PTPRO: variants seen among roughly 807,000 people sequenced by gnomAD.
PTPRO encodes the protein protein tyrosine phosphatase receptor type O.
A neutral mutation model predicts 145.2 loss-of-function variants in PTPRO; 62 were observed. The ratio of observed to expected loss-of-function variants is 0.43; its 90% CI spans 0.35 to 0.53. The LOEUF (loss-of-function observed/expected upper bound fraction) is 0.53, where lower values mean the gene tolerates loss of function less well. Ranked by LOEUF, PTPRO falls within the 20% of genes least tolerant of loss-of-function variation. The probability of loss-of-function intolerance (pLI) is 0.01; values close to 1 mark genes in which losing one functional copy is unlikely to be tolerated. For missense variants in PTPRO, 1,345 were observed against 1,482.7 expected (o/e 0.91, Z 1.53); for synonymous variants, 565 against 514.7 (o/e 1.10, Z -1.32).
At chr12:15,526,091 C>A (rs1222809530) in intron 11 of PTPRO, 51 bp from the exon 12 acceptor site, 3 of 1,611,718 alleles carry the variant, frequency 1.9e-6, no homozygotes, top group Non-Finnish European at 2.5e-6. Flanking sequence ...TGGGGTGGTG[C>A]ACTGATTCAT....
At chr12:15,563,980 C>T (rs977520123) in intron 17 of PTPRO, among the ~76,000 whole-genome samples, 5 of 152,134 alleles carry the variant, frequency 3.3e-5, no homozygotes, top group Non-Finnish European at 7.4e-5. Context: ...ATTACCATCA[C>T]GGGGCTGAAT....
intron 1 of PTPRO, among the ~76,000 whole-genome samples, chr12:15,409,701 A>C (rs1487381496): frequency 3.3e-5 from 5 of 151,874 alleles, no homozygotes; most frequent in Non-Finnish European, 7.3e-5. Flanking sequence ...GCAGAAGCTT[A>C]CATGTCACTT....
Position 15,549,136 on chromosome 12 carries a change from C to T in PTPRO, c.2347C>T (p.Leu783Phe). 1 of 1,613,440 alleles carries T rather than the reference C, an allele frequency of 6.2e-7. No individual in the cohort carries two copies. Among genetic ancestry groups the T allele is most frequent in the South Asian group, 1.1e-5 (1 of 91,048 alleles). The change falls in exon 14 of 27, where the codon CTT (leucine) becomes TTT (phenylalanine). Residue 783 changes from leucine (L) to phenylalanine (F), a missense_variant. Physicochemically the swap from Leu to Phe is conservative, Grantham distance 22 (BLOSUM62 0). Around this residue, in one of 3 missense-constraint regions of PTPRO, gnomAD observed 1,130 missense variants for 1,214.7 expected, o/e 0.93. Transcript: ENST00000281171. Reference sequence around the variant, plus strand: ...TTCCCATGTCGTGACCATCTCCAGCCTTCTTCCTGCCACTGCCTACAATTG... The same window carrying T: ...TTCCCATGTCGTGACCATCTCCAGCTTTCTTCCTGCCACTGCCTACAATTG... ...VSSHVVTISS[L>F]LPATAYNCSV...
rs375299784 is a variant in PTPRO, at chr12:15,559,801, T to G, written c.2628-392T>G. Reference sequence around the variant, plus strand: ...AAGCTGCTGTTTAGCTGTCAAATGATGTTACAGAGGTTTCTTAAAATAGGC... The same window carrying G: ...AAGCTGCTGTTTAGCTGTCAAATGAGGTTACAGAGGTTTCTTAAAATAGGC... On this transcript the variant is annotated intron_variant, in intron 16 of 26. Coordinates refer to ENST00000281171, the MANE Select transcript of PTPRO (RefSeq NM_030667.3). 3.9e-5 allele frequency among the ~76,000 whole-genome samples: 6 copies of G among 152,176 alleles called. No individual in the cohort carries two copies. In the East Asian group the frequency reaches 9.6e-4, roughly 24 times the overall value.
chr12:15,475,945 C>G (rs1386034465), intron 1 of PTPRO, among the ~76,000 whole-genome samples: 2 of 152,148 alleles, frequency 1.3e-5, no homozygotes, highest in African/African-American at 4.8e-5. Flanking sequence ...ATGAGGACAT[C>G]TCAGCTGTTC....
chr12:15,525,215 T>C (rs893656945), intron 11 of PTPRO, among the ~76,000 whole-genome samples: 2 of 152,224 alleles, frequency 1.3e-5, no homozygotes, highest in Admixed American at 1.3e-4. Flanking sequence ...TGATTTGAGC[T>C]TTTTCTTCAG....
chr12:15,417,240 A>G (rs936700822), intron 1 of PTPRO, among the ~76,000 whole-genome samples: 1 of 151,694 alleles, frequency 6.6e-6, no homozygotes, highest in African/African-American at 2.4e-5. Flanking sequence ...TAAGTCAAAA[A>G]ATACATTTAA....
chr12:15,549,219 A>T lies in PTPRO; in HGVS notation c.2430A>T (p.Ser810=). 1 of 1,606,088 alleles carries T rather than the reference A, an allele frequency of 6.2e-7. No homozygotes were observed. The highest frequency in any genetic ancestry group is 8.5e-7 in the Non-Finnish European group (1 of 1,177,866). ...GTGTCCCTACGTTCATAGCCGTCTC[A>T]ACAATGGGTAATTATACACATTAGT... The part of the protein sequence containing the change: ...SPSVPTFIAV[S]TMVTEMNPNV... Residue 810 remains serine (S), a synonymous_variant, in exon 14 of 27, where the codon TCA becomes TCT. Transcript: ENST00000281171.
intron 1 of PTPRO, among the ~76,000 whole-genome samples, chr12:15,370,888 C>T (rs1938507229): frequency 1.3e-5 from 2 of 152,168 alleles, no homozygotes; most frequent in Admixed American, 6.5e-5. Context: ...ACTAAAACAG[C>T]TTAAATTTCC....
chr12:15,415,634 C>A (rs774636489), intron 1 of PTPRO, among the ~76,000 whole-genome samples: 1 of 151,758 alleles, frequency 6.6e-6, no homozygotes. Flanking sequence ...ATCCGCCCAC[C>A]CTGGCCTCCC....
chr12:15,504,369 T>C (rs913775764), intron 6 of PTPRO, among the ~76,000 whole-genome samples: 1 of 152,170 alleles, frequency 6.6e-6, no homozygotes, highest in South Asian at 2.1e-4. Flanking sequence ...GATGTGGACA[T>C]ACAGTTTGGG....
At chr12:15,392,643 C>T (rs1163927694) in intron 1 of PTPRO, among the ~76,000 whole-genome samples, 2 of 147,186 alleles carry the variant, frequency 1.4e-5, no homozygotes, top group African/African-American at 5.0e-5. Flanking sequence ...ATTGCTTGAA[C>T]CTCGGAGGCG....
intron 1 of PTPRO, among the ~76,000 whole-genome samples, chr12:15,327,587 G>A (rs747527875): frequency 1.3e-5 from 2 of 152,086 alleles, no homozygotes; most frequent in Non-Finnish European, 2.9e-5. Flanking sequence ...ATCCAAGGTC[G>A]TATAACCCAA....
At chr12:15,424,351 G>A (rs1940226425) in intron 1 of PTPRO, among the ~76,000 whole-genome samples, 1 of 151,948 alleles carries the variant, frequency 6.6e-6, no homozygotes, top group African/African-American at 2.4e-5. Flanking sequence ...ATGTTATGTT[G>A]ATCATATTTT....
intron 1 of PTPRO, among the ~76,000 whole-genome samples, chr12:15,417,907 G>A (rs1940027584): frequency 6.6e-6 from 1 of 151,722 alleles, no homozygotes; most frequent in Admixed American, 6.6e-5. Flanking sequence ...ACAGTGCTGG[G>A]AGTGTGGCCT....
intron 1 of PTPRO, among the ~76,000 whole-genome samples, chr12:15,423,698 G>A (rs1940207521): frequency 6.6e-6 from 1 of 152,128 alleles, no homozygotes; most frequent in South Asian, 2.1e-4. Flanking sequence ...TGACATTTCA[G>A]GTTTGGTTTT....
chr12:15,500,598 A>C lies in PTPRO; in HGVS notation c.661+1004A>C, dbSNP rs558827297. Among the ~76,000 whole-genome samples the C allele has an allele frequency of 7.9e-5, 12 of 152,132 alleles. No homozygotes were observed. In the East Asian group the frequency reaches 2.4e-3, roughly 30 times the overall value. On this transcript the variant is annotated intron_variant, in intron 4 of 26. Coordinates refer to ENST00000281171, the MANE Select transcript of PTPRO (RefSeq NM_030667.3). ...AACAGAGGTACAAAGTTATTTAACA[A>C]CACAAAGGAAGGAGAGATAAATTTT...
intron 1 of PTPRO, among the ~76,000 whole-genome samples, chr12:15,334,207 TTTA>T (rs1866690631): frequency 6.6e-6 from 1 of 152,224 alleles, no homozygotes; most frequent in Non-Finnish European, 1.5e-5. Context: ...TTTTGGAAAT[TTTA>T]TTGTTTATTT....
intron 2 of PTPRO, among the ~76,000 whole-genome samples, chr12:15,493,054 C>G (rs1046549206): frequency 6.6e-6 from 1 of 151,970 alleles, no homozygotes; most frequent in Non-Finnish European, 1.5e-5. Context: ...CATCAGATTA[C>G]TAAGGCTGAA....
Sources: allele counts gnomAD v4.1 joint callset (sites outside exome capture counted in the v4.1 genomes callset), GRCh38; gene constraint gnomAD v4.1.1; regional missense constraint gnomAD v4.1.1; transcripts MANE v1.5; gene names NCBI Gene and HGNC (gene_info 2026-07-23, HGNC 2026-07-21).